Variants in CABS1 observed in about 807,000 individuals in gnomAD.
The protein encoded by CABS1 is calcium binding protein, spermatid associated 1.
For synonymous variants in CABS1, 195 were observed against 169.0 expected (o/e 1.15, Z -1.19); for missense variants, 500 against 464.3 (o/e 1.08, Z -0.71).
In CABS1 at chr4:70,337,076, T is replaced by C. The variant is rs1480559589; in HGVS notation, c.*230T>C. ...TACTTAAATGGGTCTGTTTTCACTT[T>C]GCTCATTTTTCTTCAATAAATCTTT... is the stretch of plus-strand genomic sequence containing the variant. On this transcript the variant is annotated 3_prime_UTR_variant, in exon 2 of 2. Coordinates refer to ENST00000273936, the MANE Select transcript of CABS1 (RefSeq NM_033122.4). 1 of 152,330 alleles carries C rather than the reference T, an allele frequency of 6.6e-6. No individual in the cohort carries two copies. Among genetic ancestry groups the C allele is most frequent in the African/African-American group, 2.4e-5 (1 of 41,408 alleles). The allele number at this position is 152,330 out of a possible 1,614,324, so 9.4% of individuals were successfully genotyped here.
chr4:70,335,273 AGAT>A lies in CABS1; in HGVS notation c.238_240del (p.Asp80del). 1 of 1,613,726 alleles carries A rather than the reference AGAT, an allele frequency of 6.2e-7. No homozygotes were observed. Among genetic ancestry groups the A allele is most frequent in the Non-Finnish European group, 8.5e-7 (1 of 1,179,860 alleles). On this transcript the variant is annotated inframe_deletion, in exon 1 of 2. Transcript: ENST00000273936. ...CTAAAAAGGAAAAACTCAAATCAGA[AGAT>A]GATATGGGGACCGACTTTATTAAGT...
At position 70,335,478 on chromosome 4, in the gene CABS1, G is replaced by A. The variant is rs1028887345; in HGVS notation, c.439G>A (p.Ala147Thr). 1.9e-6 allele frequency: 3 copies of A among 1,613,708 alleles called. No individual in the cohort carries two copies. Among genetic ancestry groups the A allele is most frequent in the Non-Finnish European group, 2.5e-6 (3 of 1,179,806 alleles). The change falls in exon 1 of 2, where the codon GCT becomes ACT. Residue 147 changes from alanine (A) to threonine (T), a missense_variant. Ala to Thr is a moderately conservative substitution (Grantham distance 58). Coordinates refer to ENST00000273936, the MANE Select transcript of CABS1 (RefSeq NM_033122.4). ...TDIAKEDILL[A>T]TIDTGDAEIS... The stretch of plus-strand genomic sequence containing the variant: ...CATAGCAAAAGAAGATATCCTCTTA[G>A]CTACCATTGACACAGGAGATGCAGA...
In CABS1 at chr4:70,335,995, C is replaced by A. The variant is rs773344110; in HGVS notation, c.956C>A (p.Ser319Tyr). 1 of 1,613,474 alleles carries A rather than the reference C, an allele frequency of 6.2e-7. No homozygotes were observed. ...THSVLLTAVE[S>Y]RYDFVVPASI... Reference sequence around the variant, plus strand: ...TCTGTTTTGCTTACTGCTGTTGAATCCAGATATGACTTCGTTGTCCCTGCA... The same window carrying A: ...TCTGTTTTGCTTACTGCTGTTGAATACAGATATGACTTCGTTGTCCCTGCA... Residue 319 changes from serine (S) to tyrosine (Y), a missense_variant, in exon 1 of 2, where the codon TCC (serine) becomes TAC (tyrosine). By Grantham distance (144) the Ser-to-Tyr change is moderately radical. Transcript: ENST00000273936.
Position 70,337,010 on chromosome 4 carries a change from C to G in CABS1, c.*164C>G, listed in dbSNP as rs552290398. 2.7e-5 allele frequency: 4 copies of G among 150,272 alleles called. No individual in the cohort carries two copies. The highest frequency in any genetic ancestry group is 6.0e-5 in the Non-Finnish European group (4 of 66,510). 9.3% of individuals were successfully genotyped at this position (150,272 alleles called of 1,614,324 possible). On this transcript the variant is annotated 3_prime_UTR_variant, in exon 2 of 2. Transcript: ENST00000273936. ...ACACTCTTCTTATGACTCTTGTTAG[C>G]GATTCAAGGACATAAATCTTCATTC...
chr4:70,335,330 C>T lies in CABS1; in HGVS notation c.291C>T (p.Thr97=). The T allele has an allele frequency of 6.2e-7, 1 of 1,613,798 alleles. No homozygotes were observed. The highest frequency in any genetic ancestry group is 8.5e-7 in the Non-Finnish European group (1 of 1,179,878). The change falls in exon 1 of 2, where the codon ACC becomes ACT. Residue 97 remains threonine, a synonymous_variant. Coordinates refer to ENST00000273936, the MANE Select transcript of CABS1 (RefSeq NM_033122.4). ...CAACTCACCTACAGAAAGAAATTACCTCTCTGACTGGCACTACAAACTCCA... is the reference window on the plus strand; with the variant it reads ...CAACTCACCTACAGAAAGAAATTACTTCTCTGACTGGCACTACAAACTCCA... ...KSTTHLQKEI[T]SLTGTTNSIT... is the part of the protein sequence containing the mutation.
rs1284970538 is a variant in CABS1, at chr4:70,335,440, A to G, written c.401A>G (p.Asp134Gly). 1 of 1,613,642 alleles carries G rather than the reference A, an allele frequency of 6.2e-7. No individual in the cohort carries two copies. The highest frequency in any genetic ancestry group is 1.1e-5 in the South Asian group (1 of 91,066). Residue 134 changes from aspartate (D) to glycine (G), a missense_variant, in exon 1 of 2, where the codon GAT (aspartate) becomes GGT (glycine). Asp to Gly is a moderately conservative substitution (Grantham distance 94). Transcript: ENST00000273936. ...CCAGTTACTACTGTTTCTTTAATAGATTTTTCCACTGACATAGCAAAAGAA... is the reference window on the plus strand; with the variant it reads ...CCAGTTACTACTGTTTCTTTAATAGGTTTTTCCACTGACATAGCAAAAGAA... ...SSPVTTVSLI[D>G]FSTDIAKEDI...
Position 70,335,565 on chromosome 4 carries a change from G to T in CABS1, c.526G>T (p.Ala176Ser). ...GGACAGCAGTGCTGGTGTTGCTGACGCTCCTGCCTTTCCACGTAAAAAGGA... is the reference window on the plus strand; with the variant it reads ...GGACAGCAGTGCTGGTGTTGCTGACTCTCCTGCCTTTCCACGTAAAAAGGA... The part of the protein sequence containing the change: ...LKDSSAGVAD[A>S]PAFPRKKDEA... Residue 176 changes from alanine to serine, a missense_variant, in exon 1 of 2, where the codon GCT becomes TCT. By Grantham distance (99) the Ala-to-Ser change is moderately conservative. Transcript: ENST00000273936. 1.2e-6 allele frequency: 2 copies of T among 1,613,566 alleles called. No homozygotes were observed. The highest frequency in any genetic ancestry group is 2.2e-5 in the South Asian group (2 of 91,062).
chr4:70,336,016 C>G lies in CABS1; in HGVS notation c.977C>G (p.Pro326Arg). The G allele has an allele frequency of 4.3e-6, 7 of 1,613,432 alleles. No homozygotes were observed. The highest frequency in any genetic ancestry group is 5.9e-6 in the Non-Finnish European group (7 of 1,179,642). Residue 326 changes from proline (P) to arginine (R), a missense_variant, in exon 1 of 2, where the codon CCT becomes CGT. Coordinates refer to ENST00000273936, the MANE Select transcript of CABS1 (RefSeq NM_033122.4). ...AVESRYDFVVPASIATNLVEE... is the reference protein window; with the variant it reads ...AVESRYDFVVRASIATNLVEE... ...GAATCCAGATATGACTTCGTTGTCC[C>G]TGCATCAATAGCTACAAACCTAGTG...
In CABS1 at chr4:70,335,496, G is replaced by GATGCAGAGAT; in HGVS notation, c.458_467dup (p.Ser157CysfsTer8). On this transcript the variant is annotated frameshift_variant, in exon 1 of 2. Transcript: ENST00000273936. LOFTEE classifies it low-confidence loss of function (END_TRUNC). The stretch of plus-strand genomic sequence containing the variant: ...CCTCTTAGCTACCATTGACACAGGA[G>GATGCAGAGAT]ATGCAGAGATCTCAATAACCTCTGA... The GATGCAGAGAT allele has an allele frequency of 6.2e-7, 1 of 1,613,660 alleles. No individual in the cohort carries two copies. The highest frequency in any genetic ancestry group is 1.3e-5 in the African/African-American group (1 of 75,000).
Position 70,335,762 on chromosome 4 carries a change from A to G in CABS1, c.723A>G (p.Glu241=). The change falls in exon 1 of 2, where the codon GAA becomes GAG. Residue 241 remains glutamate (E), a synonymous_variant. Transcript: ENST00000273936. ...ITALEEEKIT[E]IDLSVLEDDT... is the part of the protein sequence containing the mutation. ...CCCTTGAAGAAGAGAAAATAACCGA[A>G]ATTGACCTAAGTGTTTTAGAAGATG... 6.2e-7 allele frequency: 1 copy of G among 1,613,546 alleles called. No homozygotes were observed. Among genetic ancestry groups the G allele is most frequent in the Non-Finnish European group, 8.5e-7 (1 of 1,179,712 alleles).
Position 70,335,281 on chromosome 4 carries a change from T to C in CABS1, c.242T>C (p.Met81Thr), listed in dbSNP as rs1731693931. ...KKEKLKSEDDMGTDFIKSTTH... is the reference protein window; with the variant it reads ...KKEKLKSEDDTGTDFIKSTTH... The stretch of plus-strand genomic sequence containing the variant: ...GAAAAACTCAAATCAGAAGATGATA[T>C]GGGGACCGACTTTATTAAGTCAACA... The change falls in exon 1 of 2, where the codon ATG (methionine) becomes ACG (threonine). Residue 81 changes from methionine (M) to threonine (T), a missense_variant. Met to Thr is a moderately conservative substitution (Grantham distance 81). Transcript: ENST00000273936. 6.2e-7 allele frequency: 1 copy of C among 1,613,750 alleles called. No individual in the cohort carries two copies. Among genetic ancestry groups the C allele is most frequent in the Non-Finnish European group, 8.5e-7 (1 of 1,179,866 alleles).
intron 1 of CABS1, among the ~76,000 whole-genome samples, 152 bp from the exon 2 acceptor site, chr4:70,336,814 A>G (rs536714732): frequency 7.6e-6 from 1 of 132,264 alleles, no homozygotes; most frequent in South Asian, 3.1e-4. Flanking sequence ...GATTTATGAT[A>G]GGGTTCTTGG....
At chr4:70,336,431 G>C in intron 1 of CABS1, 85 bp downstream of exon 1, 1 of 588,946 alleles carries the variant, frequency 1.7e-6, no homozygotes, top group Non-Finnish European at 2.7e-6. Flanking sequence ...AAAAACCGCA[G>C]TGTAAGGGTC....
intron 1 of CABS1, 139 bp downstream of exon 1, chr4:70,336,485 G>T (rs1365846544): frequency 2.9e-6 from 1 of 347,162 alleles, no homozygotes; most frequent in Non-Finnish European, 5.2e-6. Context: ...ATTACTTAAT[G>T]TAAAATTTTT....
chr4:70,335,710 G>A lies in CABS1; in HGVS notation c.671G>A (p.Ser224Asn). The change falls in exon 1 of 2, where the codon AGC becomes AAC. Residue 224 changes from serine (S) to asparagine (N), a missense_variant. Ser to Asn is a conservative substitution (Grantham distance 46). Transcript: ENST00000273936. ...EAEIPPAPEESFTTIPDITAL... is the reference protein window; with the variant it reads ...EAEIPPAPEENFTTIPDITAL... ...GAAATCCCTCCTGCTCCTGAAGAAA[G>A]CTTCACTACTATTCCAGACATAACT... is the stretch of plus-strand genomic sequence containing the variant. The A allele has an allele frequency of 6.2e-7, 1 of 1,613,558 alleles. No individual in the cohort carries two copies. The highest frequency in any genetic ancestry group is 8.5e-7 in the Non-Finnish European group (1 of 1,179,752).
At position 70,335,011 on chromosome 4, in the gene CABS1, T is replaced by C. The variant is rs1731683343; in HGVS notation, c.-29T>C. The C allele has an allele frequency of 6.3e-7, 1 of 1,592,432 alleles. No individual in the cohort carries two copies. Among genetic ancestry groups the C allele is most frequent in the Non-Finnish European group, 8.6e-7 (1 of 1,169,326 alleles). ...TACCACTGAGTCCAGAAGCAAGACC[T>C]GTGAGAGTGCACAGTGCCACTTCGC... On this transcript the variant is annotated 5_prime_UTR_variant, in exon 1 of 2. Coordinates refer to ENST00000273936, the MANE Select transcript of CABS1 (RefSeq NM_033122.4).
rs1003859529 is a variant in CABS1, at chr4:70,336,286, A to T, written c.*59A>T. On this transcript the variant is annotated 3_prime_UTR_variant, in exon 1 of 2. Coordinates refer to ENST00000273936, the MANE Select transcript of CABS1 (RefSeq NM_033122.4). ...AATAGTCTAGCCAGCTAGCCTTAAC[A>T]TCTAAGAAATTTTTCCAACAAGCAA... 25 of 1,505,390 alleles carry T rather than the reference A, an allele frequency of 1.7e-5. No individual in the cohort carries two copies. The Admixed American group carries it at 2.1e-4, about 13-fold the overall frequency. 93.3% of individuals were successfully genotyped at this position (1,505,390 alleles called of 1,614,324 possible).
At position 70,335,997 on chromosome 4, in the gene CABS1, A is replaced by C. The variant is rs1731719576; in HGVS notation, c.958A>C (p.Arg320=). The change falls in exon 1 of 2, where the codon AGA becomes CGA. Residue 320 remains arginine, a synonymous_variant. Transcript: ENST00000273936. ...TGTTTTGCTTACTGCTGTTGAATCC[A>C]GATATGACTTCGTTGTCCCTGCATC... ...HSVLLTAVES[R]YDFVVPASIA... 6.2e-7 allele frequency: 1 copy of C among 1,613,440 alleles called. No homozygotes were observed. Among genetic ancestry groups the C allele is most frequent in the African/African-American group, 1.3e-5 (1 of 74,872 alleles).
chr4:70,336,201 G>C lies in CABS1; in HGVS notation c.1162G>C (p.Glu388Gln), dbSNP rs757383116. The C allele has an allele frequency of 1.2e-6, 2 of 1,611,316 alleles. No individual in the cohort carries two copies. The highest frequency in any genetic ancestry group is 2.2e-5 in the South Asian group (2 of 90,734). Residue 388 changes from glutamate to glutamine, a missense_variant, in exon 1 of 2, where the codon GAA (glutamate) becomes CAA (glutamine). Physicochemically the swap from Glu to Gln is conservative, Grantham distance 29. Transcript: ENST00000273936. ...AACGGATATCTTTGAACTACTGAAAGAAGAACCCGATGAGTTCATGATTTA... is the reference window on the plus strand; with the variant it reads ...AACGGATATCTTTGAACTACTGAAACAAGAACCCGATGAGTTCATGATTTA... ...TETDIFELLKEEPDEFMI is the reference protein window; with the variant it reads ...TETDIFELLKQEPDEFMI
Sources: allele counts gnomAD v4.1 joint callset (sites outside exome capture counted in the v4.1 genomes callset), GRCh38; gene constraint gnomAD v4.1.1; transcripts MANE v1.5; gene names NCBI Gene and HGNC (gene_info 2026-07-23, HGNC 2026-07-21).